BRF1: variants seen among roughly 807,000 people sequenced by gnomAD.
The protein encoded by BRF1 is BRF1 general transcription factor IIIB subunit.
Under a neutral mutation model 81.7 loss-of-function variants are expected in BRF1, and 59 were observed. The observed-to-expected ratio is 0.72, with a 90% CI of 0.59 to 0.90. BRF1 has a LOEUF of 0.90. Ranked by LOEUF, BRF1 falls within the 40% of genes least tolerant of loss-of-function variation. The probability of loss-of-function intolerance (pLI) is 0.00; values close to 1 mark genes in which losing one functional copy is unlikely to be tolerated. For synonymous variants in BRF1, 491 were observed against 395.6 expected (o/e 1.24, Z -2.86); for missense variants, 1,050 against 936.3 (o/e 1.12, Z -1.58).
In BRF1 at chr14:105,288,387, G is replaced by C. The variant is rs1566867895; in HGVS notation, c.185-2011C>G. On this transcript the variant is annotated intron_variant, in intron 1 of 17. Transcript: ENST00000547530. ...GAATCGCTTGAACCCAGGAGGTGGAGGTTGCAGTGAGCAGAGATGGTGCCA... is the reference window on the plus strand; with the variant it reads ...GAATCGCTTGAACCCAGGAGGTGGACGTTGCAGTGAGCAGAGATGGTGCCA... Among the ~76,000 whole-genome samples, 9 of 152,128 alleles carry C rather than the reference G, an allele frequency of 5.9e-5. No homozygotes were observed. The South Asian group carries it at 1.2e-3, about 21-fold the overall frequency.
rs1178247951 is a variant in BRF1, at chr14:105,217,666, GC to G, written c.1649del (p.Gly550AlafsTer36). Reference sequence around the variant, plus strand: ...CATCCTCCCTGTGCGGACTGCCCCCGCCGGCGCTGCTGAGGCCCCGGAGCAC... The same window carrying G: ...CATCCTCCCTGTGCGGACTGCCCCCGCGGCGCTGCTGAGGCCCCGGAGCAC... ...YSVLRGLSSA[G>X]GGSPHREDAQ... is the part of the protein sequence containing the mutation. On this transcript the variant is annotated frameshift_variant, in exon 15 of 18. Coordinates refer to ENST00000547530, the MANE Select transcript of BRF1 (RefSeq NM_001519.4). LOFTEE classifies it high-confidence loss of function. The G allele has an allele frequency of 6.2e-7, 1 of 1,613,306 alleles. No homozygotes were observed. Among genetic ancestry groups the G allele is most frequent in the Admixed American group, 1.7e-5 (1 of 60,024 alleles).
chr14:105,247,011 T>C (rs2055166813), intron 5 of BRF1: 2 of 985,444 alleles, frequency 2.0e-6, no homozygotes, highest in Non-Finnish European at 2.4e-6. Flanking sequence ...CTGATGGACA[T>C]GTAGGCTGTC....
intron 5 of BRF1, among the ~76,000 whole-genome samples, chr14:105,246,628 T>C (rs2055129924): frequency 6.6e-6 from 1 of 151,364 alleles, no homozygotes; most frequent in Non-Finnish European, 1.5e-5. Context: ...CGTTAATTTT[T>C]GTATTTTTAG....
At chr14:105,215,765 A>G (rs901137758) in intron 15 of BRF1, among the ~76,000 whole-genome samples, 7 of 142,752 alleles carry the variant, frequency 4.9e-5, no homozygotes, top group African/African-American at 1.9e-4. Flanking sequence ...GCACATACAC[A>G]TGCACACACA....
intron 15 of BRF1, among the ~76,000 whole-genome samples, chr14:105,215,966 TGCACACACACTGCATACACAGGC>T (rs1164779990): frequency 1.4e-5 from 1 of 72,590 alleles, no homozygotes; most frequent in Non-Finnish European, 2.6e-5. Flanking sequence ...CACACACACA[TGCACACACACTGCATACACAGGC>T]GCACACACAC....
intron 5 of BRF1, chr14:105,248,107 G>A (rs952800240): frequency 8.6e-5 from 85 of 985,330 alleles, no homozygotes; most frequent in Non-Finnish European, 1.0e-4. Context: ...GGAAAATGCC[G>A]GGAAATAGCA....
intron 4 of BRF1, 48 bp downstream of exon 4, chr14:105,256,470 C>G (rs372157540): frequency 1.2e-6 from 2 of 1,613,876 alleles, no homozygotes; most frequent in South Asian, 1.1e-5. Context: ...TCACAACCCC[C>G]AGGTCACAAC....
At chr14:105,243,118 AAAACAAAC>A (rs982064059) in intron 5 of BRF1, among the ~76,000 whole-genome samples, 2 of 149,414 alleles carry the variant, frequency 1.3e-5, no homozygotes, top group Non-Finnish European at 3.0e-5. Flanking sequence ...TCTGTCTCAA[AAAACAAAC>A]AAACAAACAA....
intron 3 of BRF1, among the ~76,000 whole-genome samples, chr14:105,267,239 G>T (rs985676914): frequency 2.0e-5 from 3 of 152,114 alleles, no homozygotes; most frequent in Non-Finnish European, 2.9e-5. Context: ...ACCGACAAGG[G>T]GCCCACATGG....
At position 105,272,821 on chromosome 14, in the gene BRF1, G is replaced by A; in HGVS notation, c.339C>T (p.Phe113=). Residue 113 remains phenylalanine, a synonymous_variant, in exon 3 of 18, where the codon TTC becomes TTT. Transcript: ENST00000547530. Reference sequence around the variant, plus strand: ...GGTGCCTGCTCACGGCCATCTTGAAGAAGTTGAAGGCGGTGTCCAGGCAGT... The same window carrying A: ...GGTGCCTGCTCACGGCCATCTTGAAAAAGTTGAAGGCGGTGTCCAGGCAGT... ...NQHCLDTAFN[F]FKMAVSRHLT... 1 of 1,614,126 alleles carries A rather than the reference G, an allele frequency of 6.2e-7. No individual in the cohort carries two copies. The highest frequency in any genetic ancestry group is 1.1e-5 in the South Asian group (1 of 91,082).
At chr14:105,303,226 GC>G (rs2058089444), upstream of BRF1, among the ~76,000 whole-genome samples, 1 of 151,852 alleles carries the variant, frequency 6.6e-6, no homozygotes, top group Admixed American at 6.6e-5. Context: ...AATGCACCCG[GC>G]CCCTTTTTCT....
In BRF1 at chr14:105,271,507, G is replaced by A. The variant is rs2056655210; in HGVS notation, c.439+1214C>T. 6.6e-6 allele frequency among the ~76,000 whole-genome samples: 1 copy of A among 152,208 alleles called. No individual in the cohort carries two copies. The highest frequency in any genetic ancestry group is 1.5e-5 in the Non-Finnish European group (1 of 68,028). ...GGCAGGGAGGGGGACCACCTTCAGA[G>A]GGGCGCAGCTCGGAAAAGGTCCCTC... On this transcript the variant is annotated intron_variant, in intron 3 of 17. Coordinates refer to ENST00000547530, the MANE Select transcript of BRF1 (RefSeq NM_001519.4). This position sits in a 1 kb window ranked among gnomAD's most constrained non-coding sequence, Gnocchi z 5.5.
intron 5 of BRF1, chr14:105,249,161 G>A (rs2055401587): frequency 6.3e-7 from 1 of 1,577,468 alleles, no homozygotes; most frequent in Admixed American, 1.7e-5. Context: ...TTGCAGGAAC[G>A]CGCTCATGTT....
At chr14:105,225,241 C>T (rs1002815649) in intron 10 of BRF1, among the ~76,000 whole-genome samples, 1 of 152,212 alleles carries the variant, frequency 6.6e-6, no homozygotes, top group Non-Finnish European at 1.5e-5. Flanking sequence ...CTCCTACTAA[C>T]CCCCAAGTGA....
intron 1 of BRF1, among the ~76,000 whole-genome samples, chr14:105,296,102 A>AC (rs2057732473): frequency 2.1e-5 from 3 of 143,396 alleles, no homozygotes; most frequent in Non-Finnish European, 3.1e-5. Context: ...AAAAAAAAAA[A>AC]CTCAAGGAGT....
intron 1 of BRF1, among the ~76,000 whole-genome samples, chr14:105,288,313 G>A (rs1450389257): frequency 2.6e-5 from 4 of 152,062 alleles, no homozygotes; most frequent in South Asian, 4.2e-4. Context: ...TTAGCCAGGC[G>A]TGGTGGCGGG....
rs1045347766 is a variant in BRF1 at position 105,309,303 on chromosome 14, G to C, written c.-162+6019C>G. ...GGGGAGAGTTTTATTCCTGAATCCA[G>C]GTCATGCTGTGTTCAACTTTACACC... On this transcript the variant is annotated intron_variant, in intron 1 of 17. Coordinates refer to the BRF1 transcript ENST00000327359. This position sits in a 1 kb window ranked among gnomAD's most constrained non-coding sequence, Gnocchi z 4.0. 2.6e-5 allele frequency among the ~76,000 whole-genome samples: 4 copies of C among 152,206 alleles called. No homozygotes were observed. Among genetic ancestry groups the C allele is most frequent in the African/African-American group, 7.2e-5 (3 of 41,458 alleles).
At chr14:105,251,499 A>G (rs1016575224) in intron 5 of BRF1, among the ~76,000 whole-genome samples, 2 of 151,846 alleles carry the variant, frequency 1.3e-5, no homozygotes, top group African/African-American at 2.4e-5. Flanking sequence ...CTCTCCTCCC[A>G]CTCTGCATAC....
chr14:105,223,186 G>A (rs587611962), intron 10 of BRF1, among the ~76,000 whole-genome samples: 35 of 152,194 alleles, frequency 2.3e-4, no homozygotes, highest in African/African-American at 7.5e-4. Flanking sequence ...GAGTAAGACC[G>A]TCTCAAAAAC....
Sources: allele counts gnomAD v4.1 joint callset (sites outside exome capture counted in the v4.1 genomes callset), GRCh38; gene constraint gnomAD v4.1.1; non-coding constraint Gnocchi (gnomAD v3.1); transcripts MANE v1.5; gene names NCBI Gene and HGNC (gene_info 2026-07-23, HGNC 2026-07-21).